The following PCDHA9 variants were observed in gnomAD, a reference collection of about 807,000 sequenced individuals.
PCDHA9 encodes protocadherin alpha 9.
A neutral mutation model predicts 62.0 loss-of-function variants in PCDHA9; 62 were observed. The observed-to-expected ratio is 1.00, with a 90% confidence interval of 0.81 to 1.23. The LOEUF (loss-of-function observed/expected upper bound fraction) is 1.23, where lower values mean the gene tolerates loss of function less well. Ranked by LOEUF, PCDHA9 falls within the 50% of genes most tolerant of loss-of-function variation. PCDHA9 has a pLI of 0.00. For missense variants in PCDHA9, 1,205 were observed against 1,249.8 expected (o/e 0.96, Z 0.54); for synonymous variants, 557 against 567.6 (o/e 0.98, Z 0.27).
At chr5:140,886,123 G>A (rs868933605) in intron 1 of PCDHA9, among the ~76,000 whole-genome samples, 53 of 152,236 alleles carry the variant, frequency 3.5e-4, no homozygotes, top group African/African-American at 1.2e-3. Flanking sequence ...ACATAGTTCC[G>A]TAACAACCAG....
At position 140,857,694 on chromosome 5, in the gene PCDHA9, C is replaced by T. The variant is rs1554150531; in HGVS notation, c.2394+6805C>T. 1 of 1,597,142 alleles carries T rather than the reference C, an allele frequency of 6.3e-7. No individual in the cohort carries two copies. Among genetic ancestry groups the T allele is most frequent in the Non-Finnish European group, 8.6e-7 (1 of 1,167,746 alleles). On this transcript the variant is annotated intron_variant, in intron 1 of 3. Coordinates refer to ENST00000532602, the MANE Select transcript of PCDHA9 (RefSeq NM_031857.2). Reference sequence around the variant, plus strand: ...GTGCCGCCTCTGGGCAGCAACTTGACGCTGCAGGTGTTCGTGCTGGACGAG... The same window carrying T: ...GTGCCGCCTCTGGGCAGCAACTTGATGCTGCAGGTGTTCGTGCTGGACGAG...
intron 1 of PCDHA9, among the ~76,000 whole-genome samples, chr5:140,918,864 A>T (rs1225688566): frequency 6.6e-6 from 1 of 152,180 alleles, no homozygotes; most frequent in Non-Finnish European, 1.5e-5. Flanking sequence ...TGAATCATGA[A>T]CTTTCAAGCC....
chr5:140,918,115 A>T (rs185486488), intron 1 of PCDHA9, among the ~76,000 whole-genome samples: 1 of 152,080 alleles, frequency 6.6e-6, no homozygotes, highest in East Asian at 1.9e-4. Context: ...CACATCCTTG[A>T]TTAGCCATAT....
chr5:140,857,108 C>G (rs1562518295), intron 1 of PCDHA9: 2 of 1,597,858 alleles, frequency 1.3e-6, no homozygotes, highest in Non-Finnish European at 1.7e-6. Flanking sequence ...TGTCACTTCT[C>G]TGTCTCTCCC....
At chr5:140,870,534 G>C (rs547039725) in intron 1 of PCDHA9, 2 of 1,614,032 alleles carry the variant, frequency 1.2e-6, no homozygotes, top group Non-Finnish European at 1.7e-6. Flanking sequence ...TCACAGTGTC[G>C]GCGCGGGACG....
chr5:140,943,603 G>A (rs1554215788), intron 1 of PCDHA9, among the ~76,000 whole-genome samples: 1 of 152,100 alleles, frequency 6.6e-6, no homozygotes, highest in African/African-American at 2.4e-5. Context: ...TCTAAATATA[G>A]ACTTTGATTC....
rs1275916187 is a variant in PCDHA9, at chr5:140,850,239, C to T, written c.1744C>T (p.Leu582=). Residue 582 remains leucine (L), a synonymous_variant, in exon 1 of 4, where the codon CTG becomes TTG. Coordinates refer to ENST00000532602, the MANE Select transcript of PCDHA9 (RefSeq NM_031857.2). ...GTDGAVSEMV[L]RSVGAGVVVG... is the part of the protein sequence containing the mutation. ...TGACGGCGCAGTGAGCGAGATGGTG[C>T]TGCGGTCGGTGGGCGCCGGCGTAGT... The T allele has an allele frequency of 6.3e-7, 1 of 1,594,010 alleles. No individual in the cohort carries two copies. The highest frequency in any genetic ancestry group is 1.7e-5 in the Admixed American group (1 of 59,264).
At chr5:140,982,617 G>T in intron 3 of PCDHA9, 54 bp downstream of exon 3, 1 of 1,591,926 alleles carries the variant, frequency 6.3e-7, no homozygotes, top group South Asian at 1.1e-5. Context: ...GTGATCAGAT[G>T]ACCTACTTTT....
chr5:140,945,962 G>A (rs1049789327), intron 1 of PCDHA9, among the ~76,000 whole-genome samples: 1 of 152,002 alleles, frequency 6.6e-6, no homozygotes, highest in Non-Finnish European at 1.5e-5. Context: ...GAAAGCACAG[G>A]CAATAAAAGC....
At chr5:140,954,650 C>G (rs2095069221) in intron 1 of PCDHA9, among the ~76,000 whole-genome samples, 1 of 151,902 alleles carries the variant, frequency 6.6e-6, no homozygotes, top group Non-Finnish European at 1.5e-5. Context: ...TGTTTAAGTT[C>G]CTTGTAGACT....
chr5:140,995,526 A>G (rs1241973159), intron 3 of PCDHA9, among the ~76,000 whole-genome samples: 1 of 152,244 alleles, frequency 6.6e-6, no homozygotes, highest in Non-Finnish European at 1.5e-5. Context: ...TCAGAAATCA[A>G]ACCTCAAATA....
intron 1 of PCDHA9, among the ~76,000 whole-genome samples, chr5:140,899,664 G>A (rs1263525075): frequency 2.0e-5 from 3 of 152,126 alleles, no homozygotes; most frequent in African/African-American, 4.8e-5. Context: ...GTCTCTGCCC[G>A]GCTTTGGTAT....
At chr5:140,871,314 G>T in intron 1 of PCDHA9, 2 of 1,614,048 alleles carry the variant, frequency 1.2e-6, no homozygotes, top group Non-Finnish European at 1.7e-6. Flanking sequence ...GGAAGCCCAC[G>T]CTGGTGTGCT....
At chr5:140,998,720 A>G (rs1554256437) in intron 3 of PCDHA9, among the ~76,000 whole-genome samples, 1 of 152,092 alleles carries the variant, frequency 6.6e-6, no homozygotes, top group African/African-American at 2.4e-5. Context: ...TTGCACCACC[A>G]CGCTAGGCTA....
intron 2 of PCDHA9, among the ~76,000 whole-genome samples, chr5:140,980,525 G>C (rs1554241939): frequency 6.6e-6 from 1 of 152,166 alleles, no homozygotes; most frequent in African/African-American, 2.4e-5. Context: ...AGCTACTAGG[G>C]AGGCTGAGGC....
rs782619715 is a variant in PCDHA9, at chr5:140,883,236, T to C, written c.2394+32347T>C. 1.2e-5 allele frequency: 20 copies of C among 1,613,888 alleles called. No individual in the cohort carries two copies. Among genetic ancestry groups the C allele is most frequent in the Non-Finnish European group, 1.7e-5 (20 of 1,180,006 alleles). On this transcript the variant is annotated intron_variant, in intron 1 of 3. Coordinates refer to ENST00000532602, the MANE Select transcript of PCDHA9 (RefSeq NM_031857.2). ...TTATATGAAATATCCGTGGAGGCAGTTGACAAAGGAAATATTCCAATGGCG... is the reference window on the plus strand; with the variant it reads ...TTATATGAAATATCCGTGGAGGCAGCTGACAAAGGAAATATTCCAATGGCG...
In PCDHA9 at chr5:140,857,453, C is replaced by T. The variant is rs545328956; in HGVS notation, c.2394+6564C>T. 59 of 1,598,490 alleles carry T rather than the reference C, an allele frequency of 3.7e-5. 5 individuals carry two copies. The highest frequency in any genetic ancestry group is 5.1e-5 in the Non-Finnish European group (59 of 1,167,918). On this transcript the variant is annotated intron_variant, in intron 1 of 3. Coordinates refer to ENST00000532602, the MANE Select transcript of PCDHA9 (RefSeq NM_031857.2). ...GGTGTTCGTGAAGGAGAACAACCCG[C>T]CAGGCTGCCACATCTTCACGGTGTC...
chr5:140,899,407 T>C (rs1183210224), intron 1 of PCDHA9, among the ~76,000 whole-genome samples: 2 of 152,226 alleles, frequency 1.3e-5, no homozygotes, highest in Non-Finnish European at 2.9e-5. Context: ...TGAAGGGTTG[T>C]TGAATTTTGT....
chr5:140,937,648 CACGCCTGTAATCCCAGCACT>C (rs1554211703), intron 1 of PCDHA9, among the ~76,000 whole-genome samples: 3 of 150,626 alleles, frequency 2.0e-5, no homozygotes, highest in South Asian at 4.2e-4. Flanking sequence ...CATGGTGGCT[CACGCCTGTAATCCCAGCACT>C]TTGGGAGGCT....
Sources: gnomAD v4.1 joint callset for allele counts (sites outside exome capture counted in the v4.1 genomes callset) on GRCh38, gnomAD v4.1.1 for gene constraint, MANE v1.5 for transcripts, NCBI Gene and HGNC (gene_info 2026-07-23, HGNC 2026-07-21) for gene names.